The following SLC25A6 variants were observed in gnomAD, a reference collection of about 807,000 sequenced individuals.
SLC25A6 encodes the protein solute carrier family 25 member 6, also known as ADP/ATP translocase 3.
Under a neutral mutation model 25.7 loss-of-function variants are expected in SLC25A6, and 9 were observed. The observed-to-expected ratio is 0.35, with a 90% CI of 0.21 to 0.61. SLC25A6 has a LOEUF of 0.61. Ranked by LOEUF, SLC25A6 falls within the 20% of genes least tolerant of loss-of-function variation. The pLI, the probability that SLC25A6 is intolerant of heterozygous loss-of-function variation, is 0.76. For synonymous variants in SLC25A6, 223 were observed against 197.0 expected (o/e 1.13, Z -1.11); for missense variants, 404 against 440.5 (o/e 0.92, Z 0.74).
Position 1,386,244 on chromosome X carries a change from C to A in SLC25A6, c.*358G>T. On this transcript the variant is annotated 3_prime_UTR_variant, in exon 4 of 4. Coordinates refer to ENST00000381401, the MANE Select transcript of SLC25A6 (RefSeq NM_001636.4). ...CGGCTGTGCAAAACAGGGGCTAGCG[C>A]TGAAGTACAAATGGGAAAACGTGAT... The A allele has an allele frequency of 4.3e-6, 1 of 232,182 alleles. No individual in the cohort carries two copies. The highest frequency in any genetic ancestry group is 8.3e-6 in the Non-Finnish European group (1 of 120,576). 14.4% of individuals were successfully genotyped at this position (232,182 alleles called of 1,614,324 possible).
chrX:1,386,832 A>G (rs2089331479), intron 3 of SLC25A6, 73 bp from the exon 4 acceptor site: 13 of 1,513,004 alleles, frequency 8.6e-6, no homozygotes, highest in Middle Eastern at 1.8e-4. Context: ...TGCACCCACA[A>G]AGACGTTTCA....
At chrX:1,391,176 G>T (rs1424591816) in intron 1 of SLC25A6, among the ~76,000 whole-genome samples, 2 of 152,062 alleles carry the variant, frequency 1.3e-5, no homozygotes, top group Non-Finnish European at 2.9e-5. Flanking sequence ...TGTGGCCCCG[G>T]CTGCTCTCAA....
intron 1 of SLC25A6, 121 bp downstream of exon 1, chrX:1,391,778 G>C (rs1205007824): frequency 5.7e-6 from 4 of 704,430 alleles, no homozygotes; most frequent in East Asian, 3.1e-5. Flanking sequence ...CGTGGACAAA[G>C]CGATCGCGGC....
intron 1 of SLC25A6, chrX:1,390,143 C>T (rs181716492): frequency 6.4e-4 from 148 of 229,518 alleles, no homozygotes; most frequent in African/African-American, 3.0e-3. Context: ...CCCGAGTACC[C>T]GGGTCTACAG....
chrX:1,391,097 C>A (rs142917405), intron 1 of SLC25A6, among the ~76,000 whole-genome samples: 3 of 152,170 alleles, frequency 2.0e-5, no homozygotes, highest in Non-Finnish European at 4.4e-5. Context: ...CCTCTCCGGG[C>A]CTCTCAATGC....
In SLC25A6 at chrX:1,392,044, CG is replaced by C; in HGVS notation, c.-36del. The stretch of plus-strand genomic sequence containing the variant: ...GCGGGCAGCGGAACGGGAGGACAGC[CG>C]GAGAACGGGCGCGGAGAGTGAATGG... On this transcript the variant is annotated 5_prime_UTR_variant, in exon 1 of 4. Transcript: ENST00000381401. 3 of 1,519,490 alleles carry C rather than the reference CG, an allele frequency of 2.0e-6. No individual in the cohort carries two copies. Among genetic ancestry groups the C allele is most frequent in the Non-Finnish European group, 2.7e-6 (3 of 1,107,966 alleles). The allele number at this position is 1,519,490 out of a possible 1,614,324, so 94.1% of individuals were successfully genotyped here. A position where few individuals can be genotyped will look rare whatever the true frequency, so the allele number is the denominator to read the frequency against.
intron 2 of SLC25A6, 120 bp from the exon 3 acceptor site, chrX:1,387,539 G>C: frequency 7.1e-7 from 1 of 1,404,518 alleles, no homozygotes; most frequent in Non-Finnish European, 9.7e-7. Context: ...GAGACCACCA[G>C]TGCCCCCTCC....
rs764788334 is a variant in SLC25A6, at chrX:1,391,962, G to T, written c.48C>A (p.Gly16=). The T allele has an allele frequency of 6.2e-7, 1 of 1,609,722 alleles. No individual in the cohort carries two copies. The highest frequency in any genetic ancestry group is 1.1e-5 in the South Asian group (1 of 90,506). The change falls in exon 1 of 4, where the codon GGC becomes GGA. Residue 16 remains glycine (G), a synonymous_variant. Coordinates refer to ENST00000381401, the MANE Select transcript of SLC25A6 (RefSeq NM_001636.4). ...ISFAKDFLAG[G]IAAAISKTAV... ...CCGTCTTGGAGATGGCGGCGGCGAT[G>T]CCTCCGGCCAAGAAGTCTTTGGCGA...
rs746029229 is a variant in SLC25A6 at position 1,386,299 on chromosome X, C to G, written c.*303G>C. On this transcript the variant is annotated 3_prime_UTR_variant, in exon 4 of 4. Transcript: ENST00000381401. Reference sequence around the variant, plus strand: ...TTGTTTTAAATAAATACTTAGAACACGACTTGGCTCCTACAAGCATCTGGA... The same window carrying G: ...TTGTTTTAAATAAATACTTAGAACAGGACTTGGCTCCTACAAGCATCTGGA... 2.7e-6 allele frequency: 1 copy of G among 368,446 alleles called. No individual in the cohort carries two copies. Among genetic ancestry groups the G allele is most frequent in the South Asian group, 1.2e-4 (1 of 8,194 alleles). 22.8% of individuals were successfully genotyped at this position (368,446 alleles called of 1,614,324 possible).
rs11550238 is a variant in SLC25A6 at position 1,391,934 on chromosome X, C to T, written c.76G>A (p.Val26Met). 6.2e-6 allele frequency: 10 copies of T among 1,609,366 alleles called. No homozygotes were observed. The highest frequency in any genetic ancestry group is 8.5e-6 in the Non-Finnish European group (10 of 1,178,820). ...GIAAAISKTA[V>M]APIERVKLLL... is the part of the protein sequence containing the mutation. Reference sequence around the variant, plus strand: ...AGCTTGACCCGCTCGATCGGAGCCACGGCCGTCTTGGAGATGGCGGCGGCG... The same window carrying T: ...AGCTTGACCCGCTCGATCGGAGCCATGGCCGTCTTGGAGATGGCGGCGGCG... The change falls in exon 1 of 4, where the codon GTG becomes ATG. Residue 26 changes from valine (V) to methionine (M), a missense_variant. Val to Met is a conservative substitution (Grantham distance 21, BLOSUM62 1). Coordinates refer to ENST00000381401, the MANE Select transcript of SLC25A6 (RefSeq NM_001636.4).
chrX:1,391,607 C>T (rs1309189662), intron 1 of SLC25A6, among the ~76,000 whole-genome samples: 9 of 152,222 alleles, frequency 5.9e-5, no homozygotes, highest in African/African-American at 7.2e-5. Context: ...AAGGTCAAGG[C>T]CCGCCAGCCG....
intron 1 of SLC25A6, 97 bp downstream of exon 1, chrX:1,391,802 C>T (rs2089417015): frequency 2.2e-6 from 2 of 913,514 alleles, no homozygotes; most frequent in Non-Finnish European, 3.3e-6. Flanking sequence ...CCACTTCCGG[C>T]GCCCGCCTGC....
At chrX:1,389,758 C>A (rs780194745) in intron 1 of SLC25A6, 31 bp from the exon 2 acceptor site, 3 of 1,601,584 alleles carry the variant, frequency 1.9e-6, no homozygotes, top group Admixed American at 3.4e-5. Context: ...TCAGACCAGA[C>A]CCAGGGCCAA....
chrX:1,387,397 G>A lies in SLC25A6; in HGVS notation c.621C>T (p.Asn207=), dbSNP rs202143590. The A allele has an allele frequency of 2.1e-5, 34 of 1,613,100 alleles. No homozygotes were observed. Among genetic ancestry groups the A allele is most frequent in the Non-Finnish European group, 2.9e-5 (34 of 1,179,700 alleles). ...TAKGMLPDPK[N]THIVVSWMIA... is the part of the protein sequence containing the mutation. The stretch of plus-strand genomic sequence containing the variant: ...TCATCCAGCTCACCACGATGTGCGT[G>A]TTCTTGGGGTCGGGGAGCATGCCTG... Residue 207 remains asparagine, a synonymous_variant, in exon 3 of 4, where the codon AAC becomes AAT. Transcript: ENST00000381401.
Position 1,386,504 on chromosome X carries a change from G to A in SLC25A6, c.*98C>T. The A allele has an allele frequency of 2.2e-6, 3 of 1,334,420 alleles. No individual in the cohort carries two copies. Among genetic ancestry groups the A allele is most frequent in the Non-Finnish European group, 2.9e-6 (3 of 1,027,976 alleles). The allele number at this position is 1,334,420 out of a possible 1,614,324, so 82.7% of individuals were successfully genotyped here. A position where few individuals can be genotyped will look rare whatever the true frequency, so the allele number is the denominator to read the frequency against. On this transcript the variant is annotated 3_prime_UTR_variant, in exon 4 of 4. Coordinates refer to ENST00000381401, the MANE Select transcript of SLC25A6 (RefSeq NM_001636.4). ...GGATGCGGCTGGGAAAAAGACAACT[G>A]GAATTTCTCGAAGGTTGATGGTCCG...
intron 3 of SLC25A6, 110 bp downstream of exon 3, chrX:1,387,169 T>C: frequency 7.4e-7 from 1 of 1,359,290 alleles, no homozygotes; most frequent in African/African-American, 1.4e-5. Flanking sequence ...CTTGCTTGTC[T>C]CACACGCCCT....
At chrX:1,391,353 T>C (rs2089407753) in intron 1 of SLC25A6, among the ~76,000 whole-genome samples, 1 of 152,134 alleles carries the variant, frequency 6.6e-6, no homozygotes, top group African/African-American at 2.4e-5. Flanking sequence ...TCATGCTACT[T>C]TCTATAAGCC....
intron 1 of SLC25A6, 75 bp from the exon 2 acceptor site, chrX:1,389,802 CT>C (rs1161448594): frequency 8.3e-6 from 13 of 1,562,634 alleles, no homozygotes; most frequent in South Asian, 2.4e-5. Flanking sequence ...AGGGTGCATC[CT>C]TTTTTTGACA....
chrX:1,389,267 T>C lies in SLC25A6; in HGVS notation c.572A>G (p.Tyr191Cys). Reference protein sequence around the residue: ...VQGIIIYRAAYFGVYDTAKGM... With the variant: ...VQGIIIYRAACFGVYDTAKGM... ...CTTGGCCGTATCGTACACGCCGAAGTAGGCCGCCCGGTAGATGATGATGCC... is the reference window on the plus strand; with the variant it reads ...CTTGGCCGTATCGTACACGCCGAAGCAGGCCGCCCGGTAGATGATGATGCC... The change falls in exon 2 of 4, where the codon TAC (tyrosine) becomes TGC (cysteine). Residue 191 changes from tyrosine (Y) to cysteine (C), a missense_variant. Transcript: ENST00000381401. 1 of 1,613,672 alleles carries C rather than the reference T, an allele frequency of 6.2e-7. No homozygotes were observed. The highest frequency in any genetic ancestry group is 8.5e-7 in the Non-Finnish European group (1 of 1,179,734).
Sources: gnomAD v4.1 joint callset for allele counts (sites outside exome capture counted in the v4.1 genomes callset) on GRCh38, gnomAD v4.1.1 for gene constraint, MANE v1.5 for transcripts, NCBI Gene and HGNC (gene_info 2026-07-23, HGNC 2026-07-21) for gene names.